The following CPLANE1 variants were observed in gnomAD, a reference collection of about 807,000 sequenced individuals.
The protein encoded by CPLANE1 is ciliogenesis and planar polarity effector complex subunit 1.
Under a neutral mutation model 362.5 loss-of-function variants are expected in CPLANE1, and 263 were observed. The ratio of observed to expected loss-of-function variants is 0.73; its 90% CI spans 0.66 to 0.80. The LOEUF is 0.80. Among genes scored for constraint, CPLANE1 ranks in the 30% least tolerant of loss-of-function variants. CPLANE1 has a pLI of 0.00. For synonymous variants in CPLANE1, 1,212 were observed against 1,302.6 expected (o/e 0.93, Z 1.50); for missense variants, 3,461 against 3,793.4 (o/e 0.91, Z 2.30).
chr5:37,185,143 AC>A lies in CPLANE1; in HGVS notation c.4190-65del, dbSNP rs1783648751. On this transcript the variant is annotated intron_variant, in intron 24 of 52. Transcript: ENST00000651892. ...AATATTTCAATTCAAGACATAGGAG[AC>A]CCAACTCTGGTCCCTCCTGGGGACA... is the stretch of plus-strand genomic sequence containing the variant. The A allele has an allele frequency of 1.0e-5, 15 of 1,465,870 alleles. No individual in the cohort carries two copies. The South Asian group carries it at 1.7e-4, about 16-fold the overall frequency. 90.8% of individuals were successfully genotyped at this position (1,465,870 alleles called of 1,614,324 possible). A position where few individuals can be genotyped will look rare whatever the true frequency, so the allele number is the denominator to read the frequency against.
chr5:37,088,643 A>G, the CPLANE1 span, among the ~76,000 whole-genome samples: 2,406 of 152,360 alleles, frequency 0.016, 59 homozygotes, highest in African/African-American at 0.055. Flanking sequence ...CCCCGCTCGC[A>G]ACTGGGGCAA....
the CPLANE1 span, among the ~76,000 whole-genome samples, chr5:37,094,085 C>T: frequency 2.6e-5 from 4 of 152,290 alleles, no homozygotes; most frequent in African/African-American, 7.2e-5. Flanking sequence ...CTTGAGACTT[C>T]TGTCATTTAA....
At position 37,157,846 on chromosome 5, in the gene CPLANE1, A is replaced by T. The variant is rs1213653360; in HGVS notation, c.7835T>A (p.Val2612Glu). The T allele has an allele frequency of 6.2e-7, 1 of 1,607,184 alleles. No individual in the cohort carries two copies. Among genetic ancestry groups the T allele is most frequent in the Non-Finnish European group, 8.5e-7 (1 of 1,176,836 alleles). ...AAGATCATTAGCTTCAATGTCAATC[A>T]CATTTATATAAGTATGTCCAACCTG... Reference protein sequence around the residue: ...TNLVGHTYINVIDIEANDLLQ... With the variant: ...TNLVGHTYINEIDIEANDLLQ... Residue 2612 changes from valine (V) to glutamate (E), a missense_variant, in exon 40 of 53, where the codon GTG becomes GAG. Coordinates refer to ENST00000651892, the MANE Select transcript of CPLANE1 (RefSeq NM_001384732.1).
At chr5:37,132,029 C>T (rs1219229663) in intron 46 of CPLANE1, among the ~76,000 whole-genome samples, 2 of 152,090 alleles carry the variant, frequency 1.3e-5, no homozygotes, top group Admixed American at 6.5e-5. Flanking sequence ...CTTAACAAAA[C>T]AACTGAAGGT....
chr5:37,220,100 A>C (rs748353888), intron 15 of CPLANE1, among the ~76,000 whole-genome samples: 3 of 152,122 alleles, frequency 2.0e-5, no homozygotes, highest in Admixed American at 6.6e-5. Context: ...AAAAAAAACA[A>C]AATTAGCTGG....
At chr5:37,182,346 C>T (rs1226000980) in intron 26 of CPLANE1, among the ~76,000 whole-genome samples, 3 of 152,150 alleles carry the variant, frequency 2.0e-5, no homozygotes, top group Admixed American at 6.5e-5. Flanking sequence ...TCTCCAACCT[C>T]TTCTGGCCTG....
intron 26 of CPLANE1, among the ~76,000 whole-genome samples, chr5:37,182,270 A>C (rs13159522): frequency 2.0e-5 from 3 of 152,164 alleles, no homozygotes; most frequent in Non-Finnish European, 4.4e-5. Flanking sequence ...TGACTAGGGA[A>C]GAAAGAATAG....
intron 17 of CPLANE1, 23 bp from the exon 18 acceptor site, chr5:37,205,477 G>T (rs1790444698): frequency 4.1e-6 from 6 of 1,448,936 alleles, no homozygotes; most frequent in Non-Finnish European, 4.6e-6. Flanking sequence ...CAAATTAAGG[G>T]AAATGAATCC....
chr5:37,132,337 GTTTT>G (rs70976278), intron 46 of CPLANE1, among the ~76,000 whole-genome samples: 2 of 77,774 alleles, frequency 2.6e-5, no homozygotes, highest in Non-Finnish European at 4.9e-5. Context: ...GATTGTTCAA[GTTTT>G]TTTTTTTTTT....
At chr5:37,211,421 C>T (rs977892484) in intron 16 of CPLANE1, 20 of 1,511,264 alleles carry the variant, frequency 1.3e-5, no homozygotes, top group Non-Finnish European at 1.8e-5. Context: ...CTTCCAGTTC[C>T]CCGGAAAGAC....
At chr5:37,246,767 G>T (rs1248519282) in intron 2 of CPLANE1, among the ~76,000 whole-genome samples, 1 of 152,104 alleles carries the variant, frequency 6.6e-6, no homozygotes, top group Non-Finnish European at 1.5e-5. Flanking sequence ...AATTAGCTGG[G>T]CATGGTGGCA....
Position 37,206,203 on chromosome 5 carries a change from A to T in CPLANE1, c.3143T>A (p.Phe1048Tyr). ...ATTGCCTAAAAATCCATACCTCATG[A>T]AATTGCTATCACGTTTACAGAACAG... ...FQLFCKRDSN[F>Y]MRSKKKSLNL... is the part of the protein sequence containing the mutation. Residue 1048 changes from phenylalanine (F) to tyrosine (Y), a missense_variant, in exon 17 of 53, where the codon TTC becomes TAC. Physicochemically the swap from Phe to Tyr is conservative, Grantham distance 22. Coordinates refer to ENST00000651892, the MANE Select transcript of CPLANE1 (RefSeq NM_001384732.1). 6.5e-7 allele frequency: 1 copy of T among 1,549,278 alleles called. No individual in the cohort carries two copies. The highest frequency in any genetic ancestry group is 8.7e-7 in the Non-Finnish European group (1 of 1,144,644).
At chr5:37,201,073 C>T (rs570679577) in intron 19 of CPLANE1, among the ~76,000 whole-genome samples, 3 of 152,298 alleles carry the variant, frequency 2.0e-5, no homozygotes, top group African/African-American at 7.2e-5. Context: ...ATCTTCCCGC[C>T]TTGGCCTCCC....
intron 34 of CPLANE1, 112 bp downstream of exon 34, chr5:37,168,679 A>G (rs781189914): frequency 3.7e-5 from 33 of 901,842 alleles, no homozygotes; most frequent in Non-Finnish European, 5.4e-5. Flanking sequence ...GCTATTTTCT[A>G]TAACAAGCAT....
intron 15 of CPLANE1, among the ~76,000 whole-genome samples, chr5:37,217,888 G>A (rs1334104716): frequency 6.6e-6 from 1 of 151,854 alleles, no homozygotes; most frequent in Non-Finnish European, 1.5e-5. Context: ...GCTGAGGCAG[G>A]AGAATTGCTT....
the CPLANE1 span, among the ~76,000 whole-genome samples, chr5:37,093,552 A>G: frequency 6.6e-5 from 10 of 152,324 alleles, no homozygotes; most frequent in Admixed American, 6.5e-4. Flanking sequence ...GTGCAAGATC[A>G]TCTCTCCTGG....
chr5:37,239,049 T>G (rs1799687076), intron 7 of CPLANE1, 89 bp from the exon 8 acceptor site: 2 of 623,748 alleles, frequency 3.2e-6, no homozygotes, highest in African/African-American at 1.9e-5. Context: ...GATCTATTAT[T>G]ATATTAATAA....
chr5:37,213,697 C>T lies in CPLANE1; in HGVS notation c.2782G>A (p.Gly928Ser). 1 of 1,527,560 alleles carries T rather than the reference C, an allele frequency of 6.5e-7. No homozygotes were observed. The highest frequency in any genetic ancestry group is 1.3e-5 in the South Asian group (1 of 79,906). 94.6% of individuals were successfully genotyped at this position (1,527,560 alleles called of 1,614,324 possible). ...ACTGCTGCCTCAGGATGAACACCGC[C>T]CACCATTCCACACTCAAAATGAGAC... ...AKSHFECGMV[G>S]GVHPEAAVRV... Residue 928 changes from glycine to serine, a missense_variant, in exon 16 of 53, where the codon GGC becomes AGC. Transcript: ENST00000651892.
Position 37,106,955 on chromosome 5 carries a change from G to T in CPLANE1, c.*647C>A. 1.0e-6 allele frequency: 1 copy of T among 985,370 alleles called. No homozygotes were observed. The highest frequency in any genetic ancestry group is 1.7e-5 in the African/African-American group (1 of 57,330). 61.0% of individuals were successfully genotyped at this position (985,370 alleles called of 1,614,324 possible). A position where few individuals can be genotyped will look rare whatever the true frequency, so the allele number is the denominator to read the frequency against. ...TTACAAATTTAAGATGAGCCTTCTA[G>T]AGGCCGGAGTCATATTCCCTTACTT... On this transcript the variant is annotated 3_prime_UTR_variant, in exon 53 of 53. Transcript: ENST00000651892.
Sources: gnomAD v4.1 joint callset for allele counts (sites outside exome capture counted in the v4.1 genomes callset) on GRCh38, gnomAD v4.1.1 for gene constraint, MANE v1.5 for transcripts, NCBI Gene and HGNC (gene_info 2026-07-23, HGNC 2026-07-21) for gene names.